Variants in PDGFA observed in about 807,000 individuals in gnomAD.
PDGFA encodes the protein platelet-derived growth factor subunit A.
In PDGFA, 9 loss-of-function variants were observed where a neutral mutation model predicts 25.6. The observed-to-expected ratio is 0.35, with a 90% CI of 0.21 to 0.61. The LOEUF is 0.61. Among genes scored for constraint, PDGFA ranks in the 20% least tolerant of loss-of-function variants. The pLI is 0.75. For synonymous variants in PDGFA, 133 were observed against 111.8 expected, an observed-to-expected ratio of 1.19 and a Z score of -1.20; for missense variants, 242 against 272.8, an observed-to-expected ratio of 0.89 and a Z score of 0.79.
In PDGFA at chr7:500,453, T is replaced by C. The variant is rs146348704; in HGVS notation, c.580+663A>G. 3.8e-3 allele frequency: 6,112 copies of C among 1,613,800 alleles called. 58 individuals carry two copies. Among genetic ancestry groups the C allele is most frequent in the South Asian group, 0.014 (1,313 of 91,048 alleles). On this transcript the variant is annotated intron_variant, in intron 5 of 5. Transcript: ENST00000402802. This position sits in a 1 kb window ranked among gnomAD's most constrained non-coding sequence, Gnocchi z 5.0. Reference sequence around the variant, plus strand: ...TACCTGGTTGGCTGCTTTAGGTGGGTTTTAACCTTTTTCTTTTCCGTTTTT... The same window carrying C: ...TACCTGGTTGGCTGCTTTAGGTGGGCTTTAACCTTTTTCTTTTCCGTTTTT...
At position 501,000 on chromosome 7, in the gene PDGFA, C is replaced by T. The variant is rs576785929; in HGVS notation, c.580+116G>A. On this transcript the variant is annotated intron_variant, in intron 5 of 5. Coordinates refer to ENST00000402802, the Ensembl canonical transcript of PDGFA. The surrounding 1 kb of genome is among the most constrained non-coding windows in gnomAD (Gnocchi z 5.0). ...AGCAGGGCAACGAATCCTTCAACAGCAGCCCAGATGCTCACAGCAGTAAGC... is the reference window on the plus strand; with the variant it reads ...AGCAGGGCAACGAATCCTTCAACAGTAGCCCAGATGCTCACAGCAGTAAGC... 30 of 1,604,772 alleles carry T rather than the reference C, an allele frequency of 1.9e-5. No homozygotes were observed. In the East Asian group the frequency reaches 6.5e-4, roughly 35 times the overall value.
chr7:498,328 C>T, exon 6 of PDGFA: 1 of 548,586 alleles, frequency 1.8e-6, no homozygotes, highest in Non-Finnish European at 3.2e-6. Flanking sequence ...CTCTTTCTCT[C>T]TCTCTCTTTT....
intron 2 of PDGFA, chr7:513,365 C>G (rs1306115231): frequency 6.6e-6 from 1 of 152,288 alleles, no homozygotes; most frequent in Non-Finnish European, 1.5e-5. Flanking sequence ...CTGGGGGAGT[C>G]TCAGGTCTCT....
chr7:512,433 G>A, exon 3 of PDGFA: 1 of 1,613,734 alleles, frequency 6.2e-7, no homozygotes, highest in Non-Finnish European at 8.5e-7. Flanking sequence ...CTCTCAGGCT[G>A]GTGTCCAAAG....
chr7:516,251 G>A (rs1428425612), intron 2 of PDGFA, among the ~76,000 whole-genome samples: 1 of 149,836 alleles, frequency 6.7e-6, no homozygotes, highest in East Asian at 2.0e-4. Context: ...GGATTTCCTG[G>A]GTCAAGAAAC....
chr7:511,135 TGAGCTGG>T, intron 3 of PDGFA, 139 bp from the exon 4 acceptor site: 1 of 685,914 alleles, frequency 1.5e-6, no homozygotes, highest in Non-Finnish European at 2.5e-6. Flanking sequence ...CAGCAGAGGC[TGAGCTGG>T]GAGCAGAGGC....
intron 4 of PDGFA, among the ~76,000 whole-genome samples, chr7:505,665 A>C (rs910619233): frequency 1.3e-5 from 2 of 152,222 alleles, no homozygotes; most frequent in African/African-American, 4.8e-5. Context: ...ATCGTGGTCC[A>C]TTCTAGAGAT....
chr7:497,671 C>A (rs573925661), exon 6 of PDGFA: 1 of 151,950 alleles, frequency 6.6e-6, no homozygotes, highest in Non-Finnish European at 1.5e-5. Flanking sequence ...TTCAAAATGG[C>A]TTAAATTAAC....
chr7:512,770 C>CG (rs988977349), intron 2 of PDGFA: 4 of 857,012 alleles, frequency 4.7e-6, no homozygotes, highest in Non-Finnish European at 6.4e-6. Context: ...GTCTCCCCTA[C>CG]GGTGCCTCCT....
upstream of PDGFA, chr7:520,063 CCCGCGCCCGGCT>C (rs1447538643): frequency 1.8e-5 from 7 of 398,664 alleles, no homozygotes; most frequent in Admixed American, 8.7e-5. Context: ...CCATCAAAGC[CCCGCGCCCGGCT>C]CCGCGCCGGG....
exon 6 of PDGFA, chr7:498,514 T>G: frequency 6.3e-7 from 1 of 1,580,556 alleles, no homozygotes; most frequent in Non-Finnish European, 8.6e-7. Flanking sequence ...GGTTCAGGAA[T>G]GTAACACGCC....
intron 4 of PDGFA, among the ~76,000 whole-genome samples, chr7:501,709 C>T (rs577361012): frequency 2.0e-5 from 3 of 152,126 alleles, no homozygotes; most frequent in South Asian, 2.1e-4. Flanking sequence ...AAGTGAGAGC[C>T]GCCGCGCCTG....
At position 500,731 on chromosome 7, in the gene PDGFA, A is replaced by G; in HGVS notation, c.580+385T>C. On this transcript the variant is annotated intron_variant, in intron 5 of 5. Coordinates refer to ENST00000402802, the Ensembl canonical transcript of PDGFA. The surrounding 1 kb of genome is among the most constrained non-coding windows in gnomAD (Gnocchi z 5.0). ...CGTGGCGGGGTGAAGGAGAGACCCC[A>G]GCCAGCCAGGGCAACTGCAGTCCTC... 1 of 1,437,674 alleles carries G rather than the reference A, an allele frequency of 7.0e-7. No homozygotes were observed. The highest frequency in any genetic ancestry group is 1.5e-5 in the South Asian group (1 of 68,060). The allele number at this position is 1,437,674 out of a possible 1,614,324, so 89.1% of individuals were successfully genotyped here. A position where few individuals can be genotyped will look rare whatever the true frequency, so the allele number is the denominator to read the frequency against.
chr7:506,166 A>C, intron 4 of PDGFA, among the ~76,000 whole-genome samples: 1 of 117,830 alleles, frequency 8.5e-6, no homozygotes, highest in South Asian at 2.6e-4. Flanking sequence ...ACAGAGTGAG[A>C]CTCTGTCTCA....
chr7:519,511 G>A (rs1311118109), upstream of PDGFA: 1 of 150,148 alleles, frequency 6.7e-6, no homozygotes, highest in Non-Finnish European at 1.5e-5. Context: ...GAGCCGCCCT[G>A]CGCGCCCACC....
intron 4 of PDGFA, among the ~76,000 whole-genome samples, chr7:507,033 C>T (rs2128396502): frequency 6.6e-6 from 1 of 152,356 alleles, no homozygotes; most frequent in Admixed American, 6.5e-5. Flanking sequence ...GGCACAGAGT[C>T]TGAGGCTCTG....
At chr7:518,073 C>G (rs1390881894) in intron 1 of PDGFA, among the ~76,000 whole-genome samples, 1 of 152,298 alleles carries the variant, frequency 6.6e-6, no homozygotes, top group East Asian at 1.9e-4. Flanking sequence ...GGCTCCGGCC[C>G]AGCCGCGGCC....
At position 500,392 on chromosome 7, in the gene PDGFA, C is replaced by T. The variant is rs1309277331; in HGVS notation, c.580+724G>A. 3.1e-6 allele frequency: 5 copies of T among 1,605,938 alleles called. No homozygotes were observed. The Admixed American group carries it at 5.0e-5, about 16-fold the overall frequency. On this transcript the variant is annotated intron_variant, in intron 5 of 5. Transcript: ENST00000402802. The surrounding 1 kb of genome is among the most constrained non-coding windows in gnomAD (Gnocchi z 5.0). Reference sequence around the variant, plus strand: ...GTGTGATCAGTCAGTTGCACCTCCCCGCCCTGCAGGACTCAGTGTGTCCGG... The same window carrying T: ...GTGTGATCAGTCAGTTGCACCTCCCTGCCCTGCAGGACTCAGTGTGTCCGG...
At position 506,175 on chromosome 7, in the gene PDGFA, CA is replaced by C. The variant is rs34159199; in HGVS notation, c.453+4633del. The stretch of plus-strand genomic sequence containing the variant: ...TGGGCAACAGAGTGAGACTCTGTCT[CA>C]AAAAAAAAAAAAAAATCCCTCAAGT... On this transcript the variant is annotated intron_variant, in intron 4 of 5. Coordinates refer to ENST00000402802, the Ensembl canonical transcript of PDGFA. 6.1e-3 allele frequency among the ~76,000 whole-genome samples: 652 copies of C among 107,282 alleles called. 13 individuals are homozygous for C. Among genetic ancestry groups the C allele is most frequent in the Non-Finnish European group, 7.6e-3 (417 of 54,626 alleles). 70.4% of individuals were successfully genotyped at this position (107,282 alleles called of 152,430 possible).
Sources: allele counts gnomAD v4.1 joint callset (sites outside exome capture counted in the v4.1 genomes callset), GRCh38; gene constraint gnomAD v4.1.1; non-coding constraint Gnocchi (gnomAD v3.1); transcripts MANE v1.5; gene names NCBI Gene and HGNC (gene_info 2026-07-23, HGNC 2026-07-21).